Variants in CYB5R4 observed in about 807,000 individuals in gnomAD.
The protein encoded by CYB5R4 is N-terminal cytochrome b5 and cytochrome b5 oxidoreductase domain-containing protein.
Under a neutral mutation model 70.2 loss-of-function variants are expected in CYB5R4, and 55 were observed. The ratio of observed to expected loss-of-function variants is 0.78; its 90% CI spans 0.63 to 0.98. The LOEUF is 0.98. Among genes scored for constraint, CYB5R4 ranks in the 50% least tolerant of loss-of-function variants. The probability of loss-of-function intolerance (pLI) is 0.00; values close to 1 mark genes in which losing one functional copy is unlikely to be tolerated. For missense variants in CYB5R4, 562 were observed against 612.6 expected (o/e 0.92, Z 0.87); for synonymous variants, 197 against 199.5 (o/e 0.99, Z 0.11).
intron 4 of CYB5R4, among the ~76,000 whole-genome samples, chr6:83,913,129 A>G (rs191677932): frequency 6.6e-6 from 1 of 152,306 alleles, no homozygotes; most frequent in Admixed American, 6.5e-5. Flanking sequence ...TGTTCTGTGA[A>G]TTTCTAAGAT....
intron 3 of CYB5R4, among the ~76,000 whole-genome samples, chr6:83,908,692 A>G (rs2099464205): frequency 6.6e-6 from 1 of 152,196 alleles, no homozygotes; most frequent in African/African-American, 2.4e-5. Context: ...CTTTTATAGC[A>G]TCAGAGCAAA....
intron 1 of CYB5R4, among the ~76,000 whole-genome samples, chr6:83,863,971 A>T (rs2099456374): frequency 6.6e-6 from 1 of 152,208 alleles, no homozygotes; most frequent in African/African-American, 2.4e-5. Context: ...AGACTACTGT[A>T]CTGTGACATC....
intron 5 of CYB5R4, among the ~76,000 whole-genome samples, chr6:83,916,227 A>G (rs954270845): frequency 1.3e-5 from 2 of 152,124 alleles, no homozygotes. Context: ...AGGAAGAGGA[A>G]ACAGTGGCTT....
intron 3 of CYB5R4, among the ~76,000 whole-genome samples, chr6:83,901,137 G>A (rs528613277): frequency 6.6e-6 from 1 of 152,246 alleles, no homozygotes; most frequent in South Asian, 2.1e-4. Context: ...CTCCCTTCAG[G>A]AGCTCTTTTA....
intron 2 of CYB5R4, among the ~76,000 whole-genome samples, chr6:83,874,235 G>A (rs2099458156): frequency 6.9e-6 from 1 of 144,484 alleles, no homozygotes; most frequent in African/African-American, 2.6e-5. Flanking sequence ...CTGTCACCCA[G>A]ACTAAAGTGC....
intron 10 of CYB5R4, among the ~76,000 whole-genome samples, chr6:83,927,840 T>C (rs1024941898): frequency 1.3e-5 from 2 of 152,136 alleles, no homozygotes; most frequent in Non-Finnish European, 2.9e-5. Flanking sequence ...GGAAGGGGCC[T>C]GCTGGTTCCA....
chr6:83,939,334 G>A (rs553507968), intron 12 of CYB5R4, among the ~76,000 whole-genome samples: 3 of 152,186 alleles, frequency 2.0e-5, no homozygotes, highest in Non-Finnish European at 4.4e-5. Flanking sequence ...TTTCTCATAT[G>A]AATGGTACAT....
intron 2 of CYB5R4, among the ~76,000 whole-genome samples, chr6:83,888,843 G>A (rs968523006): frequency 6.6e-6 from 1 of 152,226 alleles, no homozygotes; most frequent in Non-Finnish European, 1.5e-5. Flanking sequence ...TAGCTAAGCT[G>A]TGAATGCAAA....
chr6:83,909,784 T>G (rs146390754), intron 4 of CYB5R4, among the ~76,000 whole-genome samples: 2 of 152,314 alleles, frequency 1.3e-5, no homozygotes, highest in African/African-American at 4.8e-5. Context: ...ATTTTGCTCT[T>G]CAGGGGGACA....
At chr6:83,885,956 C>T (rs565079459) in intron 2 of CYB5R4, among the ~76,000 whole-genome samples, 1 of 152,280 alleles carries the variant, frequency 6.6e-6, no homozygotes, top group East Asian at 1.9e-4. Context: ...TAGCAACATT[C>T]TTCATGATAG....
At chr6:83,927,454 C>T (rs917978442) in intron 10 of CYB5R4, among the ~76,000 whole-genome samples, 2 of 152,172 alleles carry the variant, frequency 1.3e-5, no homozygotes, top group Non-Finnish European at 2.9e-5. Flanking sequence ...TGTGATCTAT[C>T]TTCTGACCAG....
Position 83,859,854 on chromosome 6 carries a change from C to T in CYB5R4, c.72C>T (p.Ser24=), listed in dbSNP as rs528551011. Reference sequence around the variant, plus strand: ...AGCGTGTCGCCTCCGGGGGGCGTAGCAAGGTAAGCGGGTGGCTCCGTGAGT... The same window carrying T: ...AGCGTGTCGCCTCCGGGGGGCGTAGTAAGGTAAGCGGGTGGCTCCGTGAGT... ...SQQRVASGGR[S]KVPLKQGRSL... Residue 24 remains serine (S), a synonymous_variant, in exon 1 of 16, where the codon AGC becomes AGT. Transcript: ENST00000369681. 2 of 1,611,856 alleles carry T rather than the reference C, an allele frequency of 1.2e-6. No individual in the cohort carries two copies. The highest frequency in any genetic ancestry group is 2.2e-5 in the South Asian group (2 of 90,596).
intron 3 of CYB5R4, among the ~76,000 whole-genome samples, chr6:83,900,832 C>G (rs887549999): frequency 2.0e-5 from 3 of 152,148 alleles, no homozygotes; most frequent in African/African-American, 7.2e-5. Context: ...AGATCTTCCT[C>G]CATCCCTTAA....
intron 3 of CYB5R4, among the ~76,000 whole-genome samples, chr6:83,905,565 G>C (rs1229344072): frequency 6.6e-6 from 1 of 152,270 alleles, no homozygotes; most frequent in East Asian, 1.9e-4. Flanking sequence ...AAGTTTTGCT[G>C]GTTACTAGGA....
intron 2 of CYB5R4, among the ~76,000 whole-genome samples, chr6:83,887,081 A>G (rs897178149): frequency 1.3e-5 from 2 of 152,214 alleles, no homozygotes; most frequent in African/African-American, 2.4e-5. Flanking sequence ...ACAAATGAAA[A>G]ACTATAGGCA....
chr6:83,901,418 G>A (rs977992712), intron 3 of CYB5R4, among the ~76,000 whole-genome samples: 13 of 152,118 alleles, frequency 8.5e-5, no homozygotes, highest in Non-Finnish European at 1.8e-4. Context: ...CAACTTTGGT[G>A]AATCTGACAA....
At chr6:83,956,402 A>G (rs2099472434) in intron 15 of CYB5R4, among the ~76,000 whole-genome samples, 2 of 152,236 alleles carry the variant, frequency 1.3e-5, no homozygotes, top group South Asian at 4.1e-4. Context: ...GGCTCTAGGT[A>G]AGTTTAAACA....
In CYB5R4 at chr6:83,920,078, C is replaced by T. The variant is rs185588843; in HGVS notation, c.564+624C>T. On this transcript the variant is annotated intron_variant, in intron 7 of 15. Transcript: ENST00000369681. The stretch of plus-strand genomic sequence containing the variant: ...GATCAGGGATCTAATAGGTCAGATA[C>T]GTAGAGACCTGACTTTCAAAAGGCT... Among the ~76,000 whole-genome samples, 146 of 152,136 alleles carry T rather than the reference C, an allele frequency of 9.6e-4. 1 individual carries two copies. Among genetic ancestry groups the T allele is most frequent in the African/African-American group, 3.2e-3 (134 of 41,498 alleles).
intron 15 of CYB5R4, among the ~76,000 whole-genome samples, chr6:83,957,487 G>A: frequency 6.6e-6 from 1 of 151,990 alleles, no homozygotes; most frequent in Non-Finnish European, 1.5e-5. Flanking sequence ...CGAGCATGGT[G>A]GTGGGCACCT....
Sources: allele counts gnomAD v4.1 joint callset (sites outside exome capture counted in the v4.1 genomes callset), GRCh38; gene constraint gnomAD v4.1.1; transcripts MANE v1.5; gene names NCBI Gene and HGNC (gene_info 2026-07-23, HGNC 2026-07-21).